Variants in ZNF385C observed in about 807,000 individuals in gnomAD.
ZNF385C encodes CTD-2132N18.2.
A neutral mutation model predicts 35.4 loss-of-function variants in ZNF385C; 28 were observed. The ratio of observed to expected loss-of-function variants is 0.79; its 90% CI spans 0.59 to 1.08. The LOEUF is 1.08. Ranked by LOEUF, ZNF385C falls within the 50% of genes least tolerant of loss-of-function variation. ZNF385C has a pLI of 0.00. For missense variants in ZNF385C, 605 were observed against 595.6 expected, an observed-to-expected ratio of 1.02 and a Z score of -0.16; for synonymous variants, 248 against 248.2, an observed-to-expected ratio of 1.00 and a Z score of 0.01.
chr17:42,042,783 C>T (rs2053055737), intron 2 of ZNF385C: 2 of 1,219,946 alleles, frequency 1.6e-6, no homozygotes, highest in South Asian at 4.2e-5. Context: ...CCAGGTGGCT[C>T]AGTGTCCTCC....
intron 2 of ZNF385C, among the ~76,000 whole-genome samples, chr17:42,046,693 C>T (rs533359625): frequency 7.2e-5 from 11 of 152,004 alleles, no homozygotes; most frequent in Non-Finnish European, 1.3e-4. Flanking sequence ...CAAGACTAGC[C>T]TGGGCAACAC....
intron 1 of ZNF385C, among the ~76,000 whole-genome samples, chr17:42,078,590 C>T (rs1325761558): frequency 3.9e-5 from 6 of 152,118 alleles, no homozygotes; most frequent in Non-Finnish European, 1.5e-5. Flanking sequence ...TCACATTAAA[C>T]TTTCAAAGTC....
At chr17:42,096,803 T>C (rs373424444) in intron 1 of ZNF385C, among the ~76,000 whole-genome samples, 51 of 151,570 alleles carry the variant, frequency 3.4e-4, no homozygotes, top group African/African-American at 1.2e-3. Context: ...GCGGGGGGAC[T>C]CTCTCCCCTC....
rs1238688204 is a variant in ZNF385C, at chr17:42,026,408, T to A, written c.*489A>T. Reference sequence around the variant, plus strand: ...AGGACTTTTGGGTCCCCCTTTCTCCTCCATGGTCCTCTGTCACACTCCCAT... The same window carrying A: ...AGGACTTTTGGGTCCCCCTTTCTCCACCATGGTCCTCTGTCACACTCCCAT... On this transcript the variant is annotated 3_prime_UTR_variant, in exon 9 of 9. Coordinates refer to ENST00000692273, the MANE Select transcript of ZNF385C (RefSeq NM_001392013.1). 5.8e-6 allele frequency: 1 copy of A among 172,504 alleles called. No homozygotes were observed. The highest frequency in any genetic ancestry group is 2.4e-5 in the African/African-American group (1 of 41,532). 10.7% of individuals were successfully genotyped at this position (172,504 alleles called of 1,614,324 possible).
At chr17:42,027,159 A>ACCC in intron 8 of ZNF385C, 26 bp from the exon 9 acceptor site, 1 of 1,603,642 alleles carries the variant, frequency 6.2e-7, no homozygotes, top group Non-Finnish European at 8.5e-7. Flanking sequence ...AGGAATGGAC[A>ACCC]CAGTCTCCAC....
chr17:42,045,303 G>C (rs1407639203), intron 2 of ZNF385C, among the ~76,000 whole-genome samples: 1 of 152,194 alleles, frequency 6.6e-6, no homozygotes, highest in African/African-American at 2.4e-5. Flanking sequence ...CGCCCGTCTC[G>C]GCCTCCCAAA....
At chr17:42,054,582 CTT>C (rs56706078) in intron 2 of ZNF385C, among the ~76,000 whole-genome samples, 10 of 135,562 alleles carry the variant, frequency 7.4e-5, no homozygotes, top group Admixed American at 1.5e-4. Flanking sequence ...ACTAGAACTT[CTT>C]TTTTTTTTTT....
chr17:42,033,124 C>T (rs1158676347), intron 4 of ZNF385C, among the ~76,000 whole-genome samples: 3 of 152,212 alleles, frequency 2.0e-5, no homozygotes, highest in African/African-American at 4.8e-5. Flanking sequence ...TCACTTGCTG[C>T]TCCCCGGCCC....
At chr17:42,052,690 C>T (rs2053305742) in intron 2 of ZNF385C, among the ~76,000 whole-genome samples, 1 of 152,174 alleles carries the variant, frequency 6.6e-6, no homozygotes, top group South Asian at 2.1e-4. Context: ...CCATGGACAG[C>T]AATGGGCACA....
intron 1 of ZNF385C, among the ~76,000 whole-genome samples, chr17:42,090,002 C>T (rs1195332842): frequency 2.0e-5 from 3 of 152,106 alleles, no homozygotes; most frequent in South Asian, 2.1e-4. Flanking sequence ...TCAAAATATC[C>T]GTAGTGGTTA....
At chr17:42,038,414 A>T in intron 2 of ZNF385C, 2 of 260,102 alleles carry the variant, frequency 7.7e-6, no homozygotes, top group South Asian at 1.2e-4. Flanking sequence ...TGTGCTCCCC[A>T]GCTCTGATGA....
intron 1 of ZNF385C, among the ~76,000 whole-genome samples, chr17:42,090,217 C>T (rs1372904280): frequency 2.0e-5 from 3 of 151,300 alleles, no homozygotes; most frequent in Non-Finnish European, 4.4e-5. Flanking sequence ...CTCTGAAAGA[C>T]GCCTTCCTGC....
chr17:42,051,762 A>C (rs548821046), intron 2 of ZNF385C, among the ~76,000 whole-genome samples: 1 of 152,098 alleles, frequency 6.6e-6, no homozygotes, highest in Non-Finnish European at 1.5e-5. Flanking sequence ...CCTAGGGTGC[A>C]TGTTGATTTG....
At chr17:42,041,791 T>C (rs2053028758) in intron 2 of ZNF385C, among the ~76,000 whole-genome samples, 1 of 152,042 alleles carries the variant, frequency 6.6e-6, no homozygotes, top group Admixed American at 6.6e-5. Context: ...ACCCAGCCCA[T>C]AGGACTTACA....
chr17:42,038,131 C>A, intron 2 of ZNF385C: 1 of 1,482,570 alleles, frequency 6.7e-7, no homozygotes. Flanking sequence ...GACCCTCCTG[C>A]CCCTACTGAG....
intron 5 of ZNF385C, among the ~76,000 whole-genome samples, chr17:42,031,010 A>AT (rs2052715190): frequency 1.1e-5 from 1 of 93,454 alleles, no homozygotes; most frequent in South Asian, 3.8e-4. Context: ...GTGAAAATAA[A>AT]TTTTTGTTGT....
At chr17:42,088,994 G>A (rs536495089) in intron 1 of ZNF385C, among the ~76,000 whole-genome samples, 4 of 151,962 alleles carry the variant, frequency 2.6e-5, no homozygotes, top group Non-Finnish European at 4.4e-5. Flanking sequence ...TGCCTGGCCC[G>A]GTTCACTTCT....
intron 2 of ZNF385C, among the ~76,000 whole-genome samples, chr17:42,054,174 C>G (rs1272526978): frequency 6.6e-6 from 1 of 152,230 alleles, no homozygotes; most frequent in Non-Finnish European, 1.5e-5. Flanking sequence ...CCCCTACTCA[C>G]AGAGGATTCC....
At chr17:42,041,265 G>T in intron 2 of ZNF385C, 1 of 1,199,944 alleles carries the variant, frequency 8.3e-7, no homozygotes, top group South Asian at 4.3e-5. Flanking sequence ...GGCAGTGCGG[G>T]GTGGTGGAAA....
Sources: gnomAD v4.1 joint callset for allele counts (sites outside exome capture counted in the v4.1 genomes callset) on GRCh38, gnomAD v4.1.1 for gene constraint, MANE v1.5 for transcripts, NCBI Gene and HGNC (gene_info 2026-07-23, HGNC 2026-07-21) for gene names.